GMDS: variants seen among roughly 807,000 people sequenced by gnomAD.
GMDS encodes GDP-mannose 4,6 dehydratase.
A neutral mutation model predicts 49.9 loss-of-function variants in GMDS; 20 were observed. That is an observed-to-expected ratio of 0.40 (90% CI 0.28 to 0.58). GMDS has a LOEUF of 0.58. Among genes scored for constraint, GMDS ranks in the 20% least tolerant of loss-of-function variants. The pLI is 0.42. For synonymous variants in GMDS, 177 were observed against 178.6 expected, an observed-to-expected ratio of 0.99 and a Z score of 0.07; for missense variants, 362 against 481.4, an observed-to-expected ratio of 0.75 and a Z score of 2.32.
At chr6:2,001,448 T>C (rs189874386) in intron 4 of GMDS, among the ~76,000 whole-genome samples, 1 of 152,338 alleles carries the variant, frequency 6.6e-6, no homozygotes, top group African/African-American at 2.4e-5. Flanking sequence ...GCCATTCTCT[T>C]TCTTCATGGT....
At chr6:2,075,354 T>C (rs1044016675) in intron 4 of GMDS, among the ~76,000 whole-genome samples, 18 of 152,124 alleles carry the variant, frequency 1.2e-4, no homozygotes, top group African/African-American at 3.9e-4. Context: ...ATGTGCCATG[T>C]TGGTGTGCTG....
chr6:1,807,811 G>T (rs1198889254), intron 7 of GMDS, among the ~76,000 whole-genome samples: 2 of 152,072 alleles, frequency 1.3e-5, no homozygotes, highest in Non-Finnish European at 2.9e-5. Context: ...AAGAAACACA[G>T]AATATCTTCA....
At chr6:1,713,969 A>G (rs907605758) in intron 9 of GMDS, among the ~76,000 whole-genome samples, 2 of 152,216 alleles carry the variant, frequency 1.3e-5, no homozygotes, top group Non-Finnish European at 2.9e-5. Flanking sequence ...GGATGTGCAA[A>G]GAAGAAGACA....
chr6:2,059,652 G>A (rs1184387729), intron 4 of GMDS, among the ~76,000 whole-genome samples: 1 of 116,990 alleles, frequency 8.5e-6, no homozygotes, highest in Non-Finnish European at 1.7e-5. Context: ...AGCTTGCAGT[G>A]AGCCGAGATC....
rs533909621 is a variant in GMDS at position 1,624,416 on chromosome 6, C to T, written c.1056+56G>A. 3 of 1,501,530 alleles carry T rather than the reference C, an allele frequency of 2.0e-6. No homozygotes were observed. The East Asian group carries it at 6.8e-5, about 34-fold the overall frequency. The allele number at this position is 1,501,530 out of a possible 1,614,324, so 93.0% of individuals were successfully genotyped here. ...CTCAGGCGCCCGACCCTGAGAGCTG[C>T]CGCCCTGCAGCCCGGGGCCCCGCAG... On this transcript the variant is annotated intron_variant, in intron 10 of 10. Coordinates refer to ENST00000380815, the MANE Select transcript of GMDS (RefSeq NM_001500.4).
intron 7 of GMDS, among the ~76,000 whole-genome samples, chr6:1,874,774 T>G (rs1450418675): frequency 1.3e-5 from 2 of 152,204 alleles, no homozygotes; most frequent in South Asian, 2.1e-4. Flanking sequence ...TTGGCAGCAC[T>G]AGCAATGGAT....
intron 1 of GMDS, among the ~76,000 whole-genome samples, chr6:2,228,282 C>A (rs1393481455): frequency 1.3e-5 from 2 of 152,210 alleles, no homozygotes; most frequent in Non-Finnish European, 2.9e-5. Context: ...AACACCAACA[C>A]CACCCTTCTG....
intron 1 of GMDS, among the ~76,000 whole-genome samples, chr6:2,178,315 T>C (rs1417165339): frequency 6.6e-6 from 1 of 152,142 alleles, no homozygotes; most frequent in African/African-American, 2.4e-5. Flanking sequence ...GCTTGGCTTC[T>C]GGGGAGGCCT....
At chr6:1,726,826 A>G (rs2113443099) in intron 8 of GMDS, among the ~76,000 whole-genome samples, 1 of 152,218 alleles carries the variant, frequency 6.6e-6, no homozygotes, top group South Asian at 2.1e-4. Context: ...AAGATTTTGT[A>G]TTTCTCTAGA....
chr6:1,671,731 C>T (rs1764437196), intron 9 of GMDS, among the ~76,000 whole-genome samples: 1 of 138,068 alleles, frequency 7.2e-6, no homozygotes, highest in African/African-American at 2.8e-5. Flanking sequence ...GTGGTGTGAT[C>T]TTGGCTCGCT....
chr6:1,993,762 A>G (rs934185148), intron 4 of GMDS, among the ~76,000 whole-genome samples: 3 of 151,438 alleles, frequency 2.0e-5, no homozygotes, highest in African/African-American at 7.3e-5. Flanking sequence ...CAGAAAAAGT[A>G]AAGATTTATA....
chr6:2,134,020 C>A (rs1369041220), intron 1 of GMDS, among the ~76,000 whole-genome samples: 1 of 152,100 alleles, frequency 6.6e-6, no homozygotes, highest in Non-Finnish European at 1.5e-5. Context: ...TTCTGCCACC[C>A]AAAGAAGGTA....
At position 1,748,166 on chromosome 6, in the gene GMDS, C is replaced by T. The variant is rs900976284; in HGVS notation, c.772-5580G>A. ...CAGGTTGGGGTTAATGTTTCTCTTC[C>T]CTAGAAACAATATAAAATCGAACAG... On this transcript the variant is annotated intron_variant, in intron 7 of 10. Coordinates refer to ENST00000380815, the MANE Select transcript of GMDS (RefSeq NM_001500.4). Among the ~76,000 whole-genome samples the T allele has an allele frequency of 3.9e-5, 6 of 152,122 alleles. No homozygotes were observed. In the South Asian group the frequency reaches 1.2e-3, roughly 31 times the overall value.
At chr6:2,036,074 C>T (rs1486222789) in intron 4 of GMDS, among the ~76,000 whole-genome samples, 5 of 152,146 alleles carry the variant, frequency 3.3e-5, no homozygotes, top group Non-Finnish European at 7.4e-5. Flanking sequence ...TCATTTATTG[C>T]ACCTCTAAGA....
intron 7 of GMDS, among the ~76,000 whole-genome samples, chr6:1,785,716 C>G (rs1769289977): frequency 6.6e-6 from 1 of 152,246 alleles, no homozygotes; most frequent in Admixed American, 6.5e-5. Context: ...GGGAAGGAGG[C>G]TCCATCTCCT....
At chr6:2,227,916 AAC>A (rs1311643733) in intron 1 of GMDS, among the ~76,000 whole-genome samples, 2 of 152,236 alleles carry the variant, frequency 1.3e-5, no homozygotes, top group East Asian at 1.9e-4. Flanking sequence ...ATGGGTAGTT[AAC>A]ACATAACCAT....
intron 4 of GMDS, among the ~76,000 whole-genome samples, chr6:2,022,562 G>A (rs556129917): frequency 6.6e-6 from 1 of 152,228 alleles, no homozygotes; most frequent in African/African-American, 2.4e-5. Flanking sequence ...ATCTGCTCGC[G>A]ATAATGCACA....
Position 2,245,427 on chromosome 6 carries a change from C to T in GMDS, c.-5G>A, listed in dbSNP as rs1781825229. On this transcript the variant is annotated 5_prime_UTR_variant, in exon 1 of 11. Transcript: ENST00000380815. Reference sequence around the variant, plus strand: ...GCGTGCCGGTGCGTGTGCCATGTCCCGCGGCGGGCGTGCGGTCGGCGGCAG... The same window carrying T: ...GCGTGCCGGTGCGTGTGCCATGTCCTGCGGCGGGCGTGCGGTCGGCGGCAG... 6.8e-7 allele frequency: 1 copy of T among 1,470,466 alleles called. No individual in the cohort carries two copies. Among genetic ancestry groups the T allele is most frequent in the Non-Finnish European group, 8.9e-7 (1 of 1,117,436 alleles). The allele number at this position is 1,470,466 out of a possible 1,614,324, so 91.1% of individuals were successfully genotyped here.
At chr6:2,035,640 T>C (rs536156553) in intron 4 of GMDS, among the ~76,000 whole-genome samples, 1 of 152,206 alleles carries the variant, frequency 6.6e-6, no homozygotes, top group African/African-American at 2.4e-5. Flanking sequence ...AAGCAGAAAA[T>C]AACACAGAAC....
Sources: allele counts gnomAD v4.1 joint callset (sites outside exome capture counted in the v4.1 genomes callset), GRCh38; gene constraint gnomAD v4.1.1; transcripts MANE v1.5; gene names NCBI Gene and HGNC (gene_info 2026-07-23, HGNC 2026-07-21).